The following FHIP1A variants were observed in gnomAD, a reference collection of about 807,000 sequenced individuals.
The protein encoded by FHIP1A is FHF complex subunit HOOK interacting protein 1A, also known as FHF complex subunit HOOK-interacting protein 1A.
Under a neutral mutation model 88.6 loss-of-function variants are expected in FHIP1A, and 61 were observed. That is an observed-to-expected ratio of 0.69 (90% CI 0.56 to 0.85). The LOEUF is 0.85. FHIP1A is among the 40% of genes least tolerant of loss of function. FHIP1A has a pLI of 0.00. For missense variants in FHIP1A, 1,154 were observed against 1,273.5 expected (o/e 0.91, Z 1.43); for synonymous variants, 478 against 496.0 (o/e 0.96, Z 0.48).
At chr4:151,618,944 T>A (rs184653559) in intron 7 of FHIP1A, among the ~76,000 whole-genome samples, 1 of 152,294 alleles carries the variant, frequency 6.6e-6, no homozygotes, top group Non-Finnish European at 1.5e-5. Context: ...AGCAAAGAGA[T>A]CGGTTAATGC....
At chr4:151,479,619 T>TA (rs1030438543) in intron 2 of FHIP1A, among the ~76,000 whole-genome samples, 2 of 152,126 alleles carry the variant, frequency 1.3e-5, no homozygotes, top group Non-Finnish European at 2.9e-5. Context: ...CGTTTGATTA[T>TA]ATTACAGATC....
intron 3 of FHIP1A, among the ~76,000 whole-genome samples, chr4:151,519,897 G>A (rs928167980): frequency 3.3e-5 from 5 of 152,060 alleles, no homozygotes; most frequent in Admixed American, 1.3e-4. Flanking sequence ...GTGGCCATTC[G>A]TATATCCTCT....
At chr4:151,575,048 C>T (rs1733734177) in intron 4 of FHIP1A, among the ~76,000 whole-genome samples, 1 of 152,076 alleles carries the variant, frequency 6.6e-6, no homozygotes, top group African/African-American at 2.4e-5. Context: ...TACATATTGC[C>T]ATATTGTTTT....
At chr4:151,617,251 G>C (rs1312113011) in intron 7 of FHIP1A, among the ~76,000 whole-genome samples, 1 of 152,002 alleles carries the variant, frequency 6.6e-6, no homozygotes, top group African/African-American at 2.4e-5. Context: ...TCATTTTACT[G>C]TATCATGTCT....
chr4:151,500,993 A>G (rs1033740836), intron 3 of FHIP1A, among the ~76,000 whole-genome samples: 3 of 152,174 alleles, frequency 2.0e-5, no homozygotes, highest in Non-Finnish European at 4.4e-5. Flanking sequence ...TTCAGGTTTC[A>G]CTGTACGAAT....
intron 10 of FHIP1A, among the ~76,000 whole-genome samples, chr4:151,647,716 T>G (rs1463178367): frequency 3.3e-5 from 5 of 152,270 alleles, no homozygotes; most frequent in Non-Finnish European, 7.3e-5. Flanking sequence ...GGATATCTTA[T>G]ATTTTCATAC....
intron 3 of FHIP1A, among the ~76,000 whole-genome samples, chr4:151,492,267 C>T (rs539085428): frequency 1.1e-4 from 17 of 152,166 alleles, no homozygotes; most frequent in African/African-American, 3.1e-4. Context: ...AAACAAGTCT[C>T]GATAAATTTA....
intron 1 of FHIP1A, among the ~76,000 whole-genome samples, chr4:151,446,575 CTTTTTCTT>C (rs1728613031): frequency 1.3e-5 from 1 of 79,450 alleles, no homozygotes; most frequent in South Asian, 3.8e-4. Context: ...ATGTGTTGTT[CTTTTTCTT>C]TTTTTTTTTT....
At chr4:151,431,710 C>T (rs1366764338) in intron 1 of FHIP1A, among the ~76,000 whole-genome samples, 6 of 152,104 alleles carry the variant, frequency 3.9e-5, no homozygotes. Flanking sequence ...TAAACATAAT[C>T]CCCTACTATT....
rs760458965 is a variant in FHIP1A at position 151,578,049 on chromosome 4, C to T, written c.705C>T (p.His235=). Reference sequence around the variant, plus strand: ...CTGAGAACACCATGGTGGCCCATCACATCGTGGAGAACACCTACTTTTGTC... The same window carrying T: ...CTGAGAACACCATGGTGGCCCATCATATCGTGGAGAACACCTACTTTTGTC... ...LSAENTMVAH[H]IVENTYFCPV... Residue 235 remains histidine (H), a synonymous_variant, in exon 5 of 14, where the codon CAC becomes CAT. Transcript: ENST00000435205. The T allele has an allele frequency of 7.7e-6, 12 of 1,550,916 alleles. No homozygotes were observed. The South Asian group carries it at 1.3e-4, about 17-fold the overall frequency.
At chr4:151,493,881 A>G (rs1730371084) in intron 3 of FHIP1A, among the ~76,000 whole-genome samples, 1 of 152,198 alleles carries the variant, frequency 6.6e-6, no homozygotes, top group Non-Finnish European at 1.5e-5. Flanking sequence ...TGAATGGGGA[A>G]AAGTTGAAAG....
At chr4:151,499,669 C>T (rs1414204784) in intron 3 of FHIP1A, among the ~76,000 whole-genome samples, 2 of 152,152 alleles carry the variant, frequency 1.3e-5, no homozygotes, top group Non-Finnish European at 2.9e-5. Flanking sequence ...GTTTAATTAA[C>T]TTAGAGTTCA....
intron 11 of FHIP1A, among the ~76,000 whole-genome samples, chr4:151,654,705 T>G (rs1045390819): frequency 1.3e-5 from 2 of 152,206 alleles, no homozygotes. Flanking sequence ...GGGAAAACCA[T>G]TAGTTGCTTT....
intron 8 of FHIP1A, 53 bp downstream of exon 8, chr4:151,629,922 G>A: frequency 7.1e-7 from 1 of 1,400,580 alleles, no homozygotes; most frequent in Non-Finnish European, 9.6e-7. Flanking sequence ...GATTTCAGGA[G>A]AGTTTTTTTT....
intron 6 of FHIP1A, among the ~76,000 whole-genome samples, chr4:151,588,394 G>A (rs546896982): frequency 6.6e-6 from 1 of 152,152 alleles, no homozygotes; most frequent in Non-Finnish European, 1.5e-5. Flanking sequence ...GTATTTAATT[G>A]TTTTGACAGT....
At chr4:151,560,377 C>G (rs1448990920) in intron 3 of FHIP1A, among the ~76,000 whole-genome samples, 1 of 152,082 alleles carries the variant, frequency 6.6e-6, no homozygotes, top group Non-Finnish European at 1.5e-5. Flanking sequence ...CCAAAGGTAC[C>G]TACTCTTCCA....
In FHIP1A at chr4:151,650,368, C is replaced by CACCT; in HGVS notation, c.2328_2331dup (p.Asp778ThrfsTer2). On this transcript the variant is annotated frameshift_variant, in exon 11 of 14. Coordinates refer to ENST00000435205, the MANE Select transcript of FHIP1A (RefSeq NM_001109977.3). LOFTEE classifies it high-confidence loss of function. ...GGCTTGATGGAACAGAATTACCCCA[C>CACCT]ACCTGATCCCTTGCTTCTCACTAAG... 6.4e-7 allele frequency: 1 copy of CACCT among 1,551,710 alleles called. No homozygotes were observed. The highest frequency in any genetic ancestry group is 1.2e-5 in the South Asian group (1 of 84,060).
rs1736939555 is a variant in FHIP1A at position 151,649,747 on chromosome 4, G to C, written c.1706G>C (p.Arg569Thr). The C allele has an allele frequency of 6.4e-7, 1 of 1,551,548 alleles. No individual in the cohort carries two copies. The highest frequency in any genetic ancestry group is 1.4e-5 in the African/African-American group (1 of 73,046). The change falls in exon 11 of 14, where the codon AGA becomes ACA. Residue 569 changes from arginine to threonine, a missense_variant. Arg to Thr is a moderately conservative substitution (Grantham distance 71). Transcript: ENST00000435205. ...PRKTGPQLAP[R>T]KDKSQTELEW... The stretch of plus-strand genomic sequence containing the variant: ...AAGACAGGACCTCAGCTGGCTCCCA[G>C]AAAGGACAAGAGCCAGACAGAGCTG...
intron 2 of FHIP1A, among the ~76,000 whole-genome samples, chr4:151,455,942 C>T (rs1728953264): frequency 6.6e-6 from 1 of 152,090 alleles, no homozygotes; most frequent in African/African-American, 2.4e-5. Context: ...GCACTGAGCC[C>T]TAGAGAACAG....
Sources: gnomAD v4.1 joint callset for allele counts (sites outside exome capture counted in the v4.1 genomes callset) on GRCh38, gnomAD v4.1.1 for gene constraint, MANE v1.5 for transcripts, NCBI Gene and HGNC (gene_info 2026-07-23, HGNC 2026-07-21) for gene names.